Variants in DNAJB6 observed in about 807,000 individuals in gnomAD.
DNAJB6 encodes dnaJ homolog subfamily B member 6.
A neutral mutation model predicts 42.7 loss-of-function variants in DNAJB6; 16 were observed. The observed-to-expected ratio is 0.37, with a 90% CI of 0.25 to 0.57. The LOEUF is 0.57. DNAJB6 is among the 20% of genes least tolerant of loss of function. The pLI, the probability that DNAJB6 is intolerant of heterozygous loss-of-function variation, is 0.74. For missense variants in DNAJB6, 347 were observed against 416.8 expected, an observed-to-expected ratio of 0.83 and a Z score of 1.46; for synonymous variants, 170 against 163.5, an observed-to-expected ratio of 1.04 and a Z score of -0.30.
At chr7:157,407,729 G>A (rs991421896) in intron 8 of DNAJB6, among the ~76,000 whole-genome samples, 10 of 152,178 alleles carry the variant, frequency 6.6e-5, no homozygotes, top group African/African-American at 2.4e-4. Context: ...GAGTTCGAAG[G>A]TCAGATCTGG....
chr7:157,376,228 A>T (rs995394479), intron 5 of DNAJB6, among the ~76,000 whole-genome samples: 2 of 152,130 alleles, frequency 1.3e-5, no homozygotes, highest in Non-Finnish European at 2.9e-5. Flanking sequence ...TGTTTGTTAC[A>T]TGTGTTTTGT....
Position 157,367,472 on chromosome 7 carries a change from T to G in DNAJB6, c.335T>G (p.Phe112Cys). The G allele has an allele frequency of 1.3e-6, 2 of 1,599,852 alleles. No homozygotes were observed. The highest frequency in any genetic ancestry group is 1.7e-6 in the Non-Finnish European group (2 of 1,166,944). ...EFFGGRDPFS[F>C]DFFEDPFEDF... ...TTTGGTGGAAGGGACCCATTTTCAT[T>G]TGACTTCTTTGGTAAGTTAATCACG... The change falls in exon 5 of 10, where the codon TTT becomes TGT. Residue 112 changes from phenylalanine to cysteine, a missense_variant. This residue lies in a region of DNAJB6 where 264 missense variants were observed against 288.0 expected (regional missense o/e 0.92). Coordinates refer to ENST00000262177, the MANE Select transcript of DNAJB6 (RefSeq NM_058246.4).
At chr7:157,374,027 A>G (rs1295649756) in intron 5 of DNAJB6, among the ~76,000 whole-genome samples, 1 of 152,130 alleles carries the variant, frequency 6.6e-6, no homozygotes, top group African/African-American at 2.4e-5. Context: ...AAAATTTAAG[A>G]AAAAAAGGTT....
At chr7:157,342,926 A>G (rs1798482916) in intron 1 of DNAJB6, among the ~76,000 whole-genome samples, 1 of 150,212 alleles carries the variant, frequency 6.7e-6, no homozygotes, top group African/African-American at 2.5e-5. Flanking sequence ...GTGTGTGATA[A>G]GGAATGAAAA....
At chr7:157,414,795 G>C (rs1033994348) in intron 9 of DNAJB6, 11 of 152,338 alleles carry the variant, frequency 7.2e-5, no homozygotes, top group African/African-American at 2.7e-4. Context: ...TCAGTGGTGA[G>C]AGCCACAGCA....
chr7:157,349,877 A>C (rs1402208508), intron 1 of DNAJB6, among the ~76,000 whole-genome samples: 2 of 152,144 alleles, frequency 1.3e-5, no homozygotes, highest in East Asian at 3.8e-4. Flanking sequence ...TCCTGGCCTC[A>C]GGTGATCTGT....
intron 8 of DNAJB6, among the ~76,000 whole-genome samples, chr7:157,391,897 G>A (rs954867157): frequency 3.6e-4 from 55 of 152,000 alleles, no homozygotes; most frequent in Non-Finnish European, 7.4e-4. Context: ...GAGCCCAGGA[G>A]TTCAAGACCA....
chr7:157,390,810 C>T lies in DNAJB6; in HGVS notation c.691+5199C>T, dbSNP rs923130266. 2.6e-5 allele frequency among the ~76,000 whole-genome samples: 4 copies of T among 152,068 alleles called. No homozygotes were observed. The East Asian group carries it at 7.7e-4, about 29-fold the overall frequency. ...TGTGGCTCCTGAGGCCTGGAGCATG[C>T]ATTCATTCATTCCTTTATATTATTT... On this transcript the variant is annotated intron_variant, in intron 8 of 9. Transcript: ENST00000262177.
At chr7:157,381,812 T>C (rs1245871931) in intron 5 of DNAJB6, 1 of 154,904 alleles carries the variant, frequency 6.5e-6, no homozygotes, top group African/African-American at 2.4e-5. Context: ...TTTTTCTGTT[T>C]GTTTCTGAAT....
intron 5 of DNAJB6, chr7:157,381,517 A>G (rs1800770185): frequency 1.3e-5 from 2 of 152,224 alleles, no homozygotes; most frequent in Non-Finnish European, 2.9e-5. Context: ...CTTGATTTCC[A>G]GGAGCACTTT....
chr7:157,396,773 A>G (rs186659834), intron 8 of DNAJB6, among the ~76,000 whole-genome samples: 102 of 152,168 alleles, frequency 6.7e-4, no homozygotes, highest in African/African-American at 2.3e-3. Context: ...GCACAAATCA[A>G]AGGGACCCAG....
At chr7:157,395,492 G>A (rs922630467) in intron 8 of DNAJB6, among the ~76,000 whole-genome samples, 1 of 152,188 alleles carries the variant, frequency 6.6e-6, no homozygotes. Context: ...GCAGTTGGAG[G>A]TTGAATCTGG....
rs369098407 is a variant in DNAJB6, at chr7:157,409,934, T to G, written c.831T>G (p.Ser277=). 6.9e-5 allele frequency: 106 copies of G among 1,536,642 alleles called. 2 individuals are homozygous for G. In the African/African-American group the frequency reaches 1.3e-3, roughly 18 times the overall value. The change falls in exon 9 of 10, where the codon TCT becomes TCG. Residue 277 remains serine (S), a synonymous_variant. Transcript: ENST00000262177. ...SLLRHAPHCL[S]EEEGEQDRPR... Reference sequence around the variant, plus strand: ...TGAGACACGCGCCTCACTGTCTCTCTGAGGAGGAGGGCGAGCAGGACCGAC... The same window carrying G: ...TGAGACACGCGCCTCACTGTCTCTCGGAGGAGGAGGGCGAGCAGGACCGAC...
At chr7:157,397,162 T>C (rs1801629659) in intron 8 of DNAJB6, among the ~76,000 whole-genome samples, 1 of 152,216 alleles carries the variant, frequency 6.6e-6, no homozygotes, top group South Asian at 2.1e-4. Flanking sequence ...CCCGTGCGTC[T>C]GTAGCTACCC....
chr7:157,400,491 G>T (rs1801812773), intron 8 of DNAJB6, among the ~76,000 whole-genome samples: 1 of 152,236 alleles, frequency 6.6e-6, no homozygotes, highest in Non-Finnish European at 1.5e-5. Context: ...TCCCTGGTAG[G>T]TGTTACTCTA....
rs544797513 is a variant in DNAJB6 at position 157,358,229 on chromosome 7, A to T, written c.-26-318A>T. 3.9e-5 allele frequency among the ~76,000 whole-genome samples: 6 copies of T among 152,328 alleles called. No individual in the cohort carries two copies. The East Asian group carries it at 1.2e-3, about 29-fold the overall frequency. On this transcript the variant is annotated intron_variant, in intron 1 of 9. Transcript: ENST00000262177. Reference sequence around the variant, plus strand: ...CACAGACCGTGTCTAGGAACACATGACAGACTTTGTCAGCTAGTGGTCAAG... The same window carrying T: ...CACAGACCGTGTCTAGGAACACATGTCAGACTTTGTCAGCTAGTGGTCAAG...
Position 157,409,973 on chromosome 7 carries a change from G to T in DNAJB6, c.870G>T (p.Gly290=). The T allele has an allele frequency of 6.5e-7, 1 of 1,534,930 alleles. No homozygotes were observed. ...EGEQDRPRAP[G]PWDPLASAAG... ...AGCAGGACCGACCTCGGGCACCCGGGCCCTGGGACCCCCTCGCGTCCGCAG... is the reference window on the plus strand; with the variant it reads ...AGCAGGACCGACCTCGGGCACCCGGTCCCTGGGACCCCCTCGCGTCCGCAG... The change falls in exon 9 of 10, where the codon GGG becomes GGT. Residue 290 remains glycine (G), a synonymous_variant. Transcript: ENST00000262177.
intron 9 of DNAJB6, chr7:157,415,372 G>A (rs2116695596): frequency 1.3e-5 from 2 of 152,458 alleles, no homozygotes; most frequent in Non-Finnish European, 2.9e-5. Flanking sequence ...ACAGGGAAAT[G>A]AAAGACTTTC....
At chr7:157,396,326 G>A (rs1265164228) in intron 8 of DNAJB6, among the ~76,000 whole-genome samples, 1 of 152,222 alleles carries the variant, frequency 6.6e-6, no homozygotes, top group Non-Finnish European at 1.5e-5. Context: ...ACCAGGGAGC[G>A]GGGCAGTCTC....
Sources: allele counts gnomAD v4.1 joint callset (sites outside exome capture counted in the v4.1 genomes callset), GRCh38; gene constraint gnomAD v4.1.1; regional missense constraint gnomAD v4.1.1; transcripts MANE v1.5; gene names NCBI Gene and HGNC (gene_info 2026-07-23, HGNC 2026-07-21).